The following COL11A2 variants were observed in gnomAD, a reference collection of about 807,000 sequenced individuals.
COL11A2 encodes collagen alpha-2(XI) chain.
In COL11A2, 116 loss-of-function variants were observed where a neutral mutation model predicts 273.4. That is an observed-to-expected ratio of 0.42 (90% CI 0.36 to 0.49). The LOEUF is 0.49. COL11A2 is among the 20% of genes least tolerant of loss of function. The pLI, the probability that COL11A2 is intolerant of heterozygous loss-of-function variation, is 0.00. For missense variants in COL11A2, 1,866 were observed against 2,309.0 expected (o/e 0.81, Z 3.93); for synonymous variants, 782 against 864.2 (o/e 0.90, Z 1.67).
rs1259307627 is a variant in COL11A2 at position 33,189,609 on chromosome 6, G to C, written c.83-140C>G. 6 of 1,112,180 alleles carry C rather than the reference G, an allele frequency of 5.4e-6. No homozygotes were observed. In the African/African-American group the frequency reaches 9.4e-5, roughly 17 times the overall value. 68.9% of individuals were successfully genotyped at this position (1,112,180 alleles called of 1,614,324 possible). A position where few individuals can be genotyped will look rare whatever the true frequency, so the allele number is the denominator to read the frequency against. On this transcript the variant is annotated intron_variant, in intron 1 of 65. Coordinates refer to ENST00000341947, the MANE Select transcript of COL11A2 (RefSeq NM_080680.3). The surrounding 1 kb of genome is among the most constrained non-coding windows in gnomAD (Gnocchi z 5.6). ...GGTCACCTCACCCTCACTTGCTTCT[G>C]AACAGTACCTGAATGGATGGGAAAT...
chr6:33,183,501 G>A (rs2150598294), intron 8 of COL11A2, among the ~76,000 whole-genome samples: 1 of 152,324 alleles, frequency 6.6e-6, no homozygotes, highest in South Asian at 2.1e-4. Flanking sequence ...AAATATCGAG[G>A]CCCACAATGG....
Position 33,166,317 on chromosome 6 carries a change from G to A in COL11A2, c.4393-111C>T. ...CAGGAGCCTCGGGTTACTACAGGAG[G>A]GGCAGTCTTGTGGGAATACTAGGAC... On this transcript the variant is annotated intron_variant, in intron 60 of 65. Transcript: ENST00000341947. The surrounding 1 kb of genome is among the most constrained non-coding windows in gnomAD (Gnocchi z 4.8). The A allele has an allele frequency of 1.4e-6, 2 of 1,394,128 alleles. No individual in the cohort carries two copies. The highest frequency in any genetic ancestry group is 2.0e-6 in the Non-Finnish European group (2 of 1,021,030). 86.4% of individuals were successfully genotyped at this position (1,394,128 alleles called of 1,614,324 possible). A position where few individuals can be genotyped will look rare whatever the true frequency, so the allele number is the denominator to read the frequency against.
intron 30 of COL11A2, among the ~76,000 whole-genome samples, chr6:33,175,309 G>A (rs770907398): frequency 8.5e-5 from 13 of 152,154 alleles, no homozygotes; most frequent in Non-Finnish European, 1.9e-4. Context: ...GAGTCCGAAC[G>A]CATGTTCACT....
chr6:33,166,093 G>A lies in COL11A2; in HGVS notation c.4428+78C>T. 6.2e-7 allele frequency: 1 copy of A among 1,600,570 alleles called. No homozygotes were observed. Among genetic ancestry groups the A allele is most frequent in the Non-Finnish European group, 8.5e-7 (1 of 1,172,182 alleles). ...GCTGGAATAAGGGGCTCCTTGGGGG[G>A]AGTCTATTTGTCCTGGAGAGACATC... On this transcript the variant is annotated intron_variant, in intron 61 of 65. Transcript: ENST00000341947. This position sits in a 1 kb window ranked among gnomAD's most constrained non-coding sequence, Gnocchi z 4.8.
intron 5 of COL11A2, among the ~76,000 whole-genome samples, chr6:33,186,117 C>T (rs1369514978): frequency 6.6e-6 from 1 of 152,028 alleles, no homozygotes; most frequent in African/African-American, 2.4e-5. Context: ...CCTTCCCTTC[C>T]CTTCCCCCTA....
chr6:33,186,921 G>A, intron 4 of COL11A2, 103 bp from the exon 5 acceptor site: 1 of 1,504,630 alleles, frequency 6.6e-7, no homozygotes, highest in Non-Finnish European at 9.1e-7. Flanking sequence ...AAAACCCTAA[G>A]ATGGGAGAAG....
Position 33,164,882 on chromosome 6 carries a change from G to A in COL11A2, c.4833C>T (p.Thr1611=). 1 of 1,570,630 alleles carries A rather than the reference G, an allele frequency of 6.4e-7. No homozygotes were observed. ...VFCNFTAGGE[T]CVTPRDDVTQ... is the part of the protein sequence containing the mutation. ...TGACGTCATCCCTAGGCGTCACACA[G>A]GTCTCACCCCCTGCTGTGAAGTTGC... The change falls in exon 64 of 66, where the codon ACC becomes ACT. Residue 1611 remains threonine (T), a synonymous_variant. Transcript: ENST00000341947. This position sits in a 1 kb window ranked among gnomAD's most constrained non-coding sequence, Gnocchi z 4.7.
In COL11A2 at chr6:33,175,679, G is replaced by T. The variant is rs745568808; in HGVS notation, c.2271C>A (p.Gly757=). ...CCCTGGAACCAGGGACTCCAACTTC[G>T]CCCTGTGTGAGAGGGAAGGACAGGT... ...KGDIGVKGDR[G]EVGVPGSRGE... The change falls in exon 30 of 66, where the codon GGC becomes GGA. Residue 757 remains glycine, a splice_region_variant and synonymous_variant. Coordinates refer to ENST00000341947, the MANE Select transcript of COL11A2 (RefSeq NM_080680.3). 2.5e-6 allele frequency: 4 copies of T among 1,612,738 alleles called. No individual in the cohort carries two copies. In the South Asian group the frequency reaches 3.3e-5, roughly 13 times the overall value.
At position 33,176,503 on chromosome 6, in the gene COL11A2, A is replaced by T; in HGVS notation, c.2116-17T>A. ...AGAGGGACCCTGGAAGATAAAAGAG[A>T]GGCATTTATAAAGGGGCCTCAGAGT... On this transcript the variant is annotated splice_polypyrimidine_tract_variant and intron_variant, in intron 26 of 65. Transcript: ENST00000341947. The surrounding 1 kb of genome is among the most constrained non-coding windows in gnomAD (Gnocchi z 4.9). 3 of 1,610,426 alleles carry T rather than the reference A, an allele frequency of 1.9e-6. No individual in the cohort carries two copies. The highest frequency in any genetic ancestry group is 1.7e-4 in the Middle Eastern group (1 of 6,002).
Position 33,177,546 on chromosome 6 carries a change from G to A in COL11A2, c.1918-81C>T, listed in dbSNP as rs1434260289. On this transcript the variant is annotated intron_variant, in intron 22 of 65. Coordinates refer to ENST00000341947, the MANE Select transcript of COL11A2 (RefSeq NM_080680.3). This position sits in a 1 kb window ranked among gnomAD's most constrained non-coding sequence, Gnocchi z 5.9. Reference sequence around the variant, plus strand: ...GAGCATGGAGCTGAGTCCCAGCAGCGATAGCCAAGAAGGCAAGAGCAGGAA... The same window carrying A: ...GAGCATGGAGCTGAGTCCCAGCAGCAATAGCCAAGAAGGCAAGAGCAGGAA... 11 of 1,586,106 alleles carry A rather than the reference G, an allele frequency of 6.9e-6. No individual in the cohort carries two copies. The highest frequency in any genetic ancestry group is 6.7e-5 in the African/African-American group (5 of 74,334).
Position 33,185,686 on chromosome 6 carries a change from G to A in COL11A2, c.876+15C>T. On this transcript the variant is annotated intron_variant, in intron 6 of 65. Coordinates refer to ENST00000341947, the MANE Select transcript of COL11A2 (RefSeq NM_080680.3). ...TGGGAGAAAGGGAAGAAATGAAGGGGTCCCTTGAGTTTACCTGATAATCAG... is the reference window on the plus strand; with the variant it reads ...TGGGAGAAAGGGAAGAAATGAAGGGATCCCTTGAGTTTACCTGATAATCAG... 1 of 1,312,924 alleles carries A rather than the reference G, an allele frequency of 7.6e-7. No individual in the cohort carries two copies. Among genetic ancestry groups the A allele is most frequent in the Non-Finnish European group, 1.0e-6 (1 of 973,488 alleles). The allele number at this position is 1,312,924 out of a possible 1,614,324, so 81.3% of individuals were successfully genotyped here. A position where few individuals can be genotyped will look rare whatever the true frequency, so the allele number is the denominator to read the frequency against.
At chr6:33,183,198 A>T (rs1771945446) in intron 8 of COL11A2, among the ~76,000 whole-genome samples, 1 of 152,228 alleles carries the variant, frequency 6.6e-6, no homozygotes, top group African/African-American at 2.4e-5. Context: ...GAACAAAATG[A>T]CAAACACTTG....
intron 11 of COL11A2, 96 bp downstream of exon 11, chr6:33,180,572 G>T: frequency 8.3e-7 from 1 of 1,207,492 alleles, no homozygotes; most frequent in Non-Finnish European, 1.2e-6. Context: ...TCATTAACAA[G>T]CCACCTAACA....
In COL11A2 at chr6:33,189,453, A is replaced by G; in HGVS notation, c.99T>C (p.Asp33=). The G allele has an allele frequency of 6.2e-7, 1 of 1,613,070 alleles. No homozygotes were observed. Among genetic ancestry groups the G allele is most frequent in the East Asian group, 2.2e-5 (1 of 44,882 alleles). ...APGWAGAPPV[D]VLRALRFPSL... is the part of the protein sequence containing the mutation. ...AGGGGAACCTCAGGGCCCGGAGCAC[A>G]TCCACAGGGGGTGCACCTGGGAGAG... Residue 33 remains aspartate (D), a synonymous_variant, in exon 2 of 66, where the codon GAT becomes GAC. Coordinates refer to ENST00000341947, the MANE Select transcript of COL11A2 (RefSeq NM_080680.3). This position sits in a 1 kb window ranked among gnomAD's most constrained non-coding sequence, Gnocchi z 5.6.
chr6:33,170,121 G>C lies in COL11A2; in HGVS notation c.3583-21C>G. 6.2e-7 allele frequency: 1 copy of C among 1,612,984 alleles called. No individual in the cohort carries two copies. The highest frequency in any genetic ancestry group is 8.5e-7 in the Non-Finnish European group (1 of 1,180,000). On this transcript the variant is annotated intron_variant, in intron 48 of 65. Transcript: ENST00000341947. The surrounding 1 kb of genome is among the most constrained non-coding windows in gnomAD (Gnocchi z 4.3). The stretch of plus-strand genomic sequence containing the variant: ...GGGCCCTGGAAGAGGAACAGAAATA[G>C]GTGTCATTGCTTAGGATGGAGGTGC...
rs2150571902 is a variant in COL11A2, at chr6:33,177,201, T to C, written c.1996A>G (p.Ile666Val). 1.2e-6 allele frequency: 2 copies of C among 1,613,022 alleles called. No homozygotes were observed. The highest frequency in any genetic ancestry group is 1.7e-6 in the Non-Finnish European group (2 of 1,180,008). ...TQGLPGPQGA[I>V]GPHGEKGPQG... ...CTTACCTTCTCTCCATGAGGGCCGA[T>C]GGCACCCTGGGGCCCGGGAAGACCC... The change falls in exon 24 of 66, where the codon ATC (isoleucine) becomes GTC (valine). Residue 666 changes from isoleucine (I) to valine (V), a missense_variant. Transcript: ENST00000341947. The surrounding 1 kb of genome is among the most constrained non-coding windows in gnomAD (Gnocchi z 5.9).
In COL11A2 at chr6:33,170,423, T is replaced by TG. The variant is rs1562325694; in HGVS notation, c.3529-45dup. The TG allele has an allele frequency of 1.3e-6, 2 of 1,507,398 alleles. No individual in the cohort carries two copies. Among genetic ancestry groups the TG allele is most frequent in the Non-Finnish European group, 1.8e-6 (2 of 1,116,492 alleles). 93.4% of individuals were successfully genotyped at this position (1,507,398 alleles called of 1,614,324 possible). ...CCACAGATGAGGAAGGGAAGTGAGA[T>TG]GGCTGAGCATGAATGGTGGAGAGAG... On this transcript the variant is annotated intron_variant, in intron 47 of 65. Transcript: ENST00000341947. This position sits in a 1 kb window ranked among gnomAD's most constrained non-coding sequence, Gnocchi z 4.3.
In COL11A2 at chr6:33,189,260, C is replaced by T. The variant is rs1299117127; in HGVS notation, c.232+60G>A. 1.9e-6 allele frequency: 3 copies of T among 1,613,646 alleles called. No homozygotes were observed. The East Asian group carries it at 6.7e-5, about 36-fold the overall frequency. On this transcript the variant is annotated intron_variant, in intron 2 of 65. Transcript: ENST00000341947. This position sits in a 1 kb window ranked among gnomAD's most constrained non-coding sequence, Gnocchi z 5.6. ...GCCACAACCCCTTTCCTCCTGGTGT[C>T]TGATCCTAGGCCCCATCCCATTACC... is the stretch of plus-strand genomic sequence containing the variant.
rs1438770262 is a variant in COL11A2 at position 33,172,161 on chromosome 6, G to A, written c.2989-58C>T. The A allele has an allele frequency of 1.1e-5, 18 of 1,607,812 alleles. 1 individual carries two copies. Among genetic ancestry groups the A allele is most frequent in the Non-Finnish European group, 1.5e-5 (18 of 1,175,544 alleles). Reference sequence around the variant, plus strand: ...TCACGAAAAGAGAAGGGTGAGAGCTGGAGAGGGAAGACAGGCTCCAAAAGA... The same window carrying A: ...TCACGAAAAGAGAAGGGTGAGAGCTAGAGAGGGAAGACAGGCTCCAAAAGA... On this transcript the variant is annotated intron_variant, in intron 40 of 65. Transcript: ENST00000341947.
Sources: allele counts gnomAD v4.1 joint callset (sites outside exome capture counted in the v4.1 genomes callset), GRCh38; gene constraint gnomAD v4.1.1; non-coding constraint Gnocchi (gnomAD v3.1); transcripts MANE v1.5; gene names NCBI Gene and HGNC (gene_info 2026-07-23, HGNC 2026-07-21).